ANGPT2: variants seen among roughly 807,000 people sequenced by gnomAD.
ANGPT2 encodes angiopoietin 2.
Under a neutral mutation model 62.9 loss-of-function variants are expected in ANGPT2, and 28 were observed. The observed-to-expected ratio is 0.44, with a 90% CI of 0.33 to 0.61. ANGPT2 has a LOEUF of 0.61. Ranked by LOEUF, ANGPT2 falls within the 20% of genes least tolerant of loss-of-function variation. The pLI, the probability that ANGPT2 is intolerant of heterozygous loss-of-function variation, is 0.03. For synonymous variants in ANGPT2, 284 were observed against 207.8 expected (o/e 1.37, Z -3.15); for missense variants, 727 against 594.9 (o/e 1.22, Z -2.31).
chr8:6,558,510 C>G (rs867262914), intron 1 of ANGPT2, among the ~76,000 whole-genome samples: 13 of 152,160 alleles, frequency 8.5e-5, no homozygotes, highest in African/African-American at 3.1e-4. Context: ...ATGGTAAGAC[C>G]ATTATCCTTC....
At chr8:6,509,777 C>G (rs964422526) in intron 7 of ANGPT2, among the ~76,000 whole-genome samples, 8 of 152,316 alleles carry the variant, frequency 5.3e-5, no homozygotes, top group African/African-American at 1.9e-4. Flanking sequence ...CATAGCTTAG[C>G]TCTAGCCTTC....
Position 6,500,077 on chromosome 8 carries a change from A to G in ANGPT2, c.*3024T>C. ...ACATTCACAGAACTTAACACCTTTT[A>G]TCAATTTATTCGCGAGAACAAATGT... On this transcript the variant is annotated 3_prime_UTR_variant, in exon 9 of 9. Transcript: ENST00000629816. 2 of 709,980 alleles carry G rather than the reference A, an allele frequency of 2.8e-6. No homozygotes were observed. The highest frequency in any genetic ancestry group is 2.5e-6 in the Non-Finnish European group (1 of 398,588). 44.0% of individuals were successfully genotyped at this position (709,980 alleles called of 1,614,324 possible).
At chr8:6,552,314 C>T (rs570784621) in intron 1 of ANGPT2, among the ~76,000 whole-genome samples, 5 of 152,290 alleles carry the variant, frequency 3.3e-5, no homozygotes, top group African/African-American at 7.2e-5. Context: ...GCCATATTCA[C>T]GCAGTCACAG....
At chr8:6,520,519 C>G (rs529851198) in intron 4 of ANGPT2, among the ~76,000 whole-genome samples, 1 of 152,116 alleles carries the variant, frequency 6.6e-6, no homozygotes, top group Non-Finnish European at 1.5e-5. Flanking sequence ...CCTCAGCCTC[C>G]CAAGCAGCTG....
chr8:6,555,427 G>T (rs1355298787), intron 1 of ANGPT2, among the ~76,000 whole-genome samples: 3 of 151,108 alleles, frequency 2.0e-5, no homozygotes, highest in Admixed American at 6.6e-5. Context: ...ACTTCCTCTT[G>T]GTTATAACAT....
chr8:6,543,125 C>T (rs769854645), intron 1 of ANGPT2, among the ~76,000 whole-genome samples: 159 of 152,202 alleles, frequency 1.0e-3, no homozygotes, highest in Admixed American at 1.6e-3. Flanking sequence ...CCAAGACTTT[C>T]TGCTTCTTTA....
intron 1 of ANGPT2, among the ~76,000 whole-genome samples, chr8:6,555,484 C>T (rs2129575294): frequency 7.0e-6 from 1 of 142,718 alleles, no homozygotes; most frequent in East Asian, 2.0e-4. Context: ...TTTTTGGAGA[C>T]AGGATCTCAC....
In ANGPT2 at chr8:6,532,459, T is replaced by A; in HGVS notation, c.317A>T (p.Lys106Met). The change falls in exon 2 of 9, where the codon AAG (lysine) becomes ATG (methionine). Residue 106 changes from lysine (K) to methionine (M), a missense_variant. By Grantham distance (95) the Lys-to-Met change is moderately conservative. Coordinates refer to ENST00000629816, the MANE Select transcript of ANGPT2 (RefSeq NM_001118887.2). ...CTGCTGTATCTCTACCATTTCTTTC[T>A]TCATGTTGTCCTGGATATAATTCTC... ...KLENYIQDNMKKEMVEIQQNA... is the reference protein window; with the variant it reads ...KLENYIQDNMMKEMVEIQQNA... 1 of 1,613,906 alleles carries A rather than the reference T, an allele frequency of 6.2e-7. No homozygotes were observed. The highest frequency in any genetic ancestry group is 8.5e-7 in the Non-Finnish European group (1 of 1,179,948).
chr8:6,530,039 C>A (rs1444288651), intron 2 of ANGPT2, among the ~76,000 whole-genome samples: 1 of 151,850 alleles, frequency 6.6e-6, no homozygotes, highest in African/African-American at 2.4e-5. Context: ...GCCAAGTTCC[C>A]ATGCTTGGAT....
intron 5 of ANGPT2, among the ~76,000 whole-genome samples, chr8:6,516,641 A>T (rs528033476): frequency 3.4e-4 from 52 of 152,358 alleles, no homozygotes; most frequent in Middle Eastern, 3.4e-3. Flanking sequence ...TTCATAAACC[A>T]GCTGAATAAG....
intron 4 of ANGPT2, among the ~76,000 whole-genome samples, chr8:6,520,778 G>C (rs1182105626): frequency 6.6e-6 from 1 of 152,184 alleles, no homozygotes; most frequent in African/African-American, 2.4e-5. Context: ...GGCAAGATAA[G>C]GGAACTAGCA....
chr8:6,514,167 G>C (rs1478370427), intron 6 of ANGPT2, among the ~76,000 whole-genome samples: 1 of 152,146 alleles, frequency 6.6e-6, no homozygotes, highest in Non-Finnish European at 1.5e-5. Context: ...AAAATGCTGA[G>C]TCCACCTTTA....
chr8:6,534,213 A>T (rs976545602), intron 1 of ANGPT2, among the ~76,000 whole-genome samples: 1 of 152,248 alleles, frequency 6.6e-6, no homozygotes, highest in African/African-American at 2.4e-5. Context: ...TTTAAAAAAA[A>T]AATAACAATA....
intron 3 of ANGPT2, among the ~76,000 whole-genome samples, chr8:6,523,644 C>T (rs929629373): frequency 6.6e-6 from 1 of 152,134 alleles, no homozygotes; most frequent in African/African-American, 2.4e-5. Context: ...GGCTGTTGTG[C>T]AGTGGCGCGA....
At chr8:6,511,445 A>G (rs1345397484) in intron 7 of ANGPT2, among the ~76,000 whole-genome samples, 1 of 152,224 alleles carries the variant, frequency 6.6e-6, no homozygotes, top group East Asian at 1.9e-4. Flanking sequence ...TAATGTACGC[A>G]TAGCTTTTAG....
chr8:6,541,949 A>G lies in ANGPT2; in HGVS notation c.289-9462T>C, dbSNP rs559514117. Among the ~76,000 whole-genome samples, 5 of 151,588 alleles carry G rather than the reference A, an allele frequency of 3.3e-5. No individual in the cohort carries two copies. In the South Asian group the frequency reaches 1.0e-3, roughly 32 times the overall value. ...CTTGAGCCCAGGAGGTTGAGGCTGC[A>G]GTGAGCCGTGATCGTGCCACTGCAC... On this transcript the variant is annotated intron_variant, in intron 1 of 8. Coordinates refer to ENST00000629816, the MANE Select transcript of ANGPT2 (RefSeq NM_001118887.2).
rs556312281 is a variant in ANGPT2 at position 6,503,420 on chromosome 8, G to C, written c.1328-159C>G. On this transcript the variant is annotated intron_variant, in intron 8 of 8. Coordinates refer to ENST00000629816, the MANE Select transcript of ANGPT2 (RefSeq NM_001118887.2). Reference sequence around the variant, plus strand: ...TAGGATGTGCACTGGCAGAGGGATTGTTTTCCAGCCATACACCCATGACAT... The same window carrying C: ...TAGGATGTGCACTGGCAGAGGGATTCTTTTCCAGCCATACACCCATGACAT... Among the ~76,000 whole-genome samples, 3 of 152,272 alleles carry C rather than the reference G, an allele frequency of 2.0e-5. No homozygotes were observed. The South Asian group carries it at 6.2e-4, about 32-fold the overall frequency.
intron 1 of ANGPT2, among the ~76,000 whole-genome samples, chr8:6,537,279 T>A (rs1820672265): frequency 1.3e-5 from 2 of 152,156 alleles, no homozygotes; most frequent in South Asian, 4.1e-4. Context: ...GCTGTATATG[T>A]GTGCGAGGAC....
At chr8:6,529,578 TC>T (rs1248170771) in intron 2 of ANGPT2, among the ~76,000 whole-genome samples, 1 of 149,368 alleles carries the variant, frequency 6.7e-6, no homozygotes, top group Non-Finnish European at 1.5e-5. Flanking sequence ...TCACTAAGCC[TC>T]CCAAGTAACT....
Sources: gnomAD v4.1 joint callset for allele counts (sites outside exome capture counted in the v4.1 genomes callset) on GRCh38, gnomAD v4.1.1 for gene constraint, MANE v1.5 for transcripts, NCBI Gene and HGNC (gene_info 2026-07-23, HGNC 2026-07-21) for gene names.